The following PARP9 variants were observed in gnomAD, a reference collection of about 807,000 sequenced individuals.
PARP9 encodes the protein protein mono-ADP-ribosyltransferase PARP9.
A neutral mutation model predicts 68.8 loss-of-function variants in PARP9; 48 were observed. That is an observed-to-expected ratio of 0.70 (90% CI 0.55 to 0.89). The LOEUF (loss-of-function observed/expected upper bound fraction) is 0.89, where lower values mean the gene tolerates loss of function less well. Among genes scored for constraint, PARP9 ranks in the 40% least tolerant of loss-of-function variants. The probability of loss-of-function intolerance (pLI) is 0.00; values close to 1 mark genes in which losing one functional copy is unlikely to be tolerated. For missense variants in PARP9, 806 were observed against 969.3 expected, an observed-to-expected ratio of 0.83 and a Z score of 2.24; for synonymous variants, 309 against 333.8, an observed-to-expected ratio of 0.93 and a Z score of 0.81.
intron 10 of PARP9, chr3:122,534,263 G>A: frequency 1.1e-6 from 1 of 939,686 alleles, no homozygotes; most frequent in Non-Finnish European, 1.3e-6. Flanking sequence ...GAAACCACAA[G>A]CCTGGTTGCA....
intron 1 of PARP9, among the ~76,000 whole-genome samples, chr3:122,560,632 C>T (rs550378134): frequency 6.6e-6 from 1 of 152,252 alleles, no homozygotes; most frequent in East Asian, 1.9e-4. Context: ...GTGATCTACC[C>T]GTCTCGGCCT....
In PARP9 at chr3:122,561,750, T is replaced by A. The variant is rs181744656; in HGVS notation, c.-89-2041A>T. ...CATTCTGCATACTCCCCAGGAGTGA[T>A]CTCATCCATTTCCATGGCTTCAACT... On this transcript the variant is annotated intron_variant, in intron 1 of 10. Coordinates refer to ENST00000682323, the MANE Select transcript of PARP9 (RefSeq NM_001146105.2). 2.0e-5 allele frequency among the ~76,000 whole-genome samples: 3 copies of A among 152,316 alleles called. No individual in the cohort carries two copies. The East Asian group carries it at 5.8e-4, about 29-fold the overall frequency.
At chr3:122,528,990 G>T (rs1017882208) in intron 10 of PARP9, among the ~76,000 whole-genome samples, 1 of 152,094 alleles carries the variant, frequency 6.6e-6, no homozygotes, top group Non-Finnish European at 1.5e-5. Context: ...GCTCACACCT[G>T]TAATCCCTGC....
intron 5 of PARP9, among the ~76,000 whole-genome samples, chr3:122,551,577 G>A (rs1293335309): frequency 1.3e-5 from 2 of 152,162 alleles, no homozygotes; most frequent in Non-Finnish European, 1.5e-5. Flanking sequence ...TCGGCTCACT[G>A]CAACCTTTGC....
chr3:122,535,505 T>C (rs2107572429), intron 10 of PARP9: 1 of 985,460 alleles, frequency 1.0e-6, no homozygotes. Flanking sequence ...TAATTTTTAC[T>C]AAATTTCTTT....
intron 6 of PARP9, among the ~76,000 whole-genome samples, chr3:122,549,570 C>G (rs2079026448): frequency 1.3e-5 from 2 of 152,080 alleles, no homozygotes; most frequent in Admixed American, 1.3e-4. Flanking sequence ...CACTTGAGCC[C>G]AGGAGCTCAA....
In PARP9 at chr3:122,556,075, G is replaced by A. The variant is rs1329276863; in HGVS notation, c.96C>T (p.Asn32=). The A allele has an allele frequency of 1.2e-5, 18 of 1,506,028 alleles. No individual in the cohort carries two copies. Among genetic ancestry groups the A allele is most frequent in the African/African-American group, 1.4e-5 (1 of 69,298 alleles). 93.3% of individuals were successfully genotyped at this position (1,506,028 alleles called of 1,614,324 possible). Residue 32 remains asparagine (N), a synonymous_variant, in exon 4 of 11, where the codon AAC becomes AAT. Transcript: ENST00000682323. ...TTTTTAAAATTTTGAAGTCATTGTG[G>A]TTAATGGGAATTTGCCAACTATAGT... The part of the protein sequence containing the change: ...GENYSWQIPI[N]HNDFKILKNN...
At position 122,555,687 on chromosome 3, in the gene PARP9, C is replaced by G; in HGVS notation, c.484G>C (p.Val162Leu). ...RLPCKQIIHA[V>L]GPRWMEWDKQ... ...TCCCATTCCATCCACCGAGGCCCAACAGCATGGATGATCTGTTTGCAGGGA... is the reference window on the plus strand; with the variant it reads ...TCCCATTCCATCCACCGAGGCCCAAGAGCATGGATGATCTGTTTGCAGGGA... Residue 162 changes from valine to leucine, a missense_variant, in exon 4 of 11, where the codon GTT becomes CTT. Val to Leu is a conservative substitution (Grantham distance 32, BLOSUM62 1). Transcript: ENST00000682323. 1 of 1,614,146 alleles carries G rather than the reference C, an allele frequency of 6.2e-7. No individual in the cohort carries two copies. Among genetic ancestry groups the G allele is most frequent in the Non-Finnish European group, 8.5e-7 (1 of 1,180,020 alleles).
At chr3:122,536,589 A>T in intron 9 of PARP9, 1 of 641,804 alleles carries the variant, frequency 1.6e-6, no homozygotes, top group Non-Finnish European at 2.5e-6. Flanking sequence ...ACCTAGACAT[A>T]GTCTCTGCCC....
rs1283446417 is a variant in PARP9 at position 122,537,824 on chromosome 3, TTTCC to T, written c.1766-755_1766-752del. ...CTCTCCTTCCTTCCTTACTTCCTTC[TTTCC>T]TTCCTTCCTTCCTCCTTCCTTCCTT... is the stretch of plus-strand genomic sequence containing the variant. On this transcript the variant is annotated intron_variant, in intron 8 of 10. Coordinates refer to ENST00000682323, the MANE Select transcript of PARP9 (RefSeq NM_001146105.2). Among the ~76,000 whole-genome samples, 10 of 152,018 alleles carry T rather than the reference TTTCC, an allele frequency of 6.6e-5. No individual in the cohort carries two copies. The East Asian group carries it at 9.6e-4, about 15-fold the overall frequency.
chr3:122,545,289 T>G, intron 7 of PARP9, 143 bp downstream of exon 7: 1 of 758,662 alleles, frequency 1.3e-6, no homozygotes, highest in East Asian at 2.6e-5. Flanking sequence ...GGGTAGAGAG[T>G]AGGCAGGTAT....
At chr3:122,536,554 A>G in intron 9 of PARP9, 1 of 911,742 alleles carries the variant, frequency 1.1e-6, no homozygotes, top group Non-Finnish European at 1.6e-6. Flanking sequence ...CTTCTCTAAT[A>G]AATTCCTTTA....
intron 1 of PARP9, among the ~76,000 whole-genome samples, chr3:122,559,910 T>C (rs568758183): frequency 6.6e-6 from 1 of 152,332 alleles, no homozygotes; most frequent in East Asian, 1.9e-4. Flanking sequence ...GTGGAAATCA[T>C]AATGGCAGTT....
In PARP9 at chr3:122,528,584, G is replaced by A. The variant is rs1247949758; in HGVS notation, c.2240C>T (p.Pro747Leu). 7 of 1,614,102 alleles carry A rather than the reference G, an allele frequency of 4.3e-6. No homozygotes were observed. The highest frequency in any genetic ancestry group is 5.1e-6 in the Non-Finnish European group (6 of 1,180,028). The change falls in exon 11 of 11, where the codon CCA becomes CTA. Residue 747 changes from proline to leucine, a missense_variant. Around this residue, in one of 2 missense-constraint regions of PARP9, gnomAD observed 680 missense variants for 858.8 expected, o/e 0.79. Coordinates refer to ENST00000682323, the MANE Select transcript of PARP9 (RefSeq NM_001146105.2). The part of the protein sequence containing the change: ...CQGHPLNIVP[P>L]PLSPGAIDGH... ...ATCTATAGCTCCAGGACTCAGTGGTGGGGGAACAATATTTAACGGATGTCC... is the reference window on the plus strand; with the variant it reads ...ATCTATAGCTCCAGGACTCAGTGGTAGGGGAACAATATTTAACGGATGTCC...
intron 3 of PARP9, among the ~76,000 whole-genome samples, chr3:122,556,508 G>A (rs2079682689): frequency 6.6e-6 from 1 of 152,190 alleles, no homozygotes; most frequent in Non-Finnish European, 1.5e-5. Flanking sequence ...GGTATTGGAA[G>A]GGACTTAATT....
rs1379613777 is a variant in PARP9 at position 122,555,734 on chromosome 3, G to C, written c.437C>G (p.Ala146Gly). 6.2e-7 allele frequency: 1 copy of C among 1,613,852 alleles called. No homozygotes were observed. The highest frequency in any genetic ancestry group is 1.3e-5 in the African/African-American group (1 of 74,852). The change falls in exon 4 of 11, where the codon GCT (alanine) becomes GGT (glycine). Residue 146 changes from alanine to glycine, a missense_variant. Physicochemically the swap from Ala to Gly is moderately conservative, Grantham distance 60. This residue lies in a region of PARP9 where 680 missense variants were observed against 858.8 expected (regional missense o/e 0.79). Coordinates refer to ENST00000682323, the MANE Select transcript of PARP9 (RefSeq NM_001146105.2). ...GGGAAGCCTCCCTGCTCCCGTGACA[G>C]CTATCTCACCAGCTGACACTTTACC... ...RYGKVSAGEI[A>G]VTGAGRLPCK...
intron 2 of PARP9, 120 bp from the exon 3 acceptor site, chr3:122,558,587 G>T: frequency 8.3e-7 from 1 of 1,204,212 alleles, no homozygotes. Flanking sequence ...CACTGTGTTT[G>T]GGAGGGCAGG....
chr3:122,545,625 C>A (rs545653976), intron 6 of PARP9, 136 bp from the exon 7 acceptor site: 3 of 791,330 alleles, frequency 3.8e-6, no homozygotes, highest in Admixed American at 2.1e-5. Flanking sequence ...AAATCTAAAG[C>A]AGCCTTTAGG....
chr3:122,564,091 G>T (rs2080473399), intron 1 of PARP9, 154 bp downstream of exon 1: 1 of 306,176 alleles, frequency 3.3e-6, no homozygotes, highest in East Asian at 6.4e-5. Flanking sequence ...CAAAGAATAA[G>T]AAACACAGGA....
Sources: gnomAD v4.1 joint callset for allele counts (sites outside exome capture counted in the v4.1 genomes callset) on GRCh38, gnomAD v4.1.1 for gene constraint, gnomAD v4.1.1 regional missense constraint, MANE v1.5 for transcripts, NCBI Gene and HGNC (gene_info 2026-07-23, HGNC 2026-07-21) for gene names.